The following DOCK3 variants were observed in gnomAD, a reference collection of about 807,000 sequenced individuals.
DOCK3 encodes dedicator of cytokinesis 3, also known as dedicator of cytokinesis protein 3.
In DOCK3, 60 loss-of-function variants were observed where a neutral mutation model predicts 265.6. The observed-to-expected ratio is 0.23, with a 90% confidence interval of 0.18 to 0.28. DOCK3 has a LOEUF of 0.28. Ranked by LOEUF, DOCK3 falls within the 10% of genes least tolerant of loss-of-function variation. The pLI is 1.00. For missense variants in DOCK3, 1,981 were observed against 2,594.3 expected, an observed-to-expected ratio of 0.76 and a Z score of 5.14; for synonymous variants, 881 against 938.0, an observed-to-expected ratio of 0.94 and a Z score of 1.11.
chr3:50,859,840 T>C (rs189395151), intron 3 of DOCK3, among the ~76,000 whole-genome samples: 84 of 152,316 alleles, frequency 5.5e-4, no homozygotes, highest in Middle Eastern at 3.4e-3. Context: ...TGTTTCCTCA[T>C]AGTTGCAGCA....
At chr3:50,860,783 T>G (rs2046871199) in intron 3 of DOCK3, among the ~76,000 whole-genome samples, 1 of 152,206 alleles carries the variant, frequency 6.6e-6, no homozygotes, top group African/African-American at 2.4e-5. Flanking sequence ...GTGCCACTAC[T>G]TGTAGCTGGC....
chr3:51,294,261 AAAG>A (rs1173741660), intron 27 of DOCK3, among the ~76,000 whole-genome samples: 1 of 152,232 alleles, frequency 6.6e-6, no homozygotes, highest in Non-Finnish European at 1.5e-5. Flanking sequence ...TTCAGCCTTA[AAAG>A]AAGTAGGAAA....
At chr3:50,682,353 G>A (rs1036332410) in intron 1 of DOCK3, among the ~76,000 whole-genome samples, 1 of 152,116 alleles carries the variant, frequency 6.6e-6, no homozygotes, top group Non-Finnish European at 1.5e-5. Context: ...ACACATATTT[G>A]CTGCATCATG....
chr3:50,781,939 T>C (rs1057472115), intron 2 of DOCK3, among the ~76,000 whole-genome samples: 10 of 152,228 alleles, frequency 6.6e-5, no homozygotes, highest in African/African-American at 2.4e-4. Context: ...TCCATCTATG[T>C]TCCTGCAAAG....
At chr3:50,918,332 C>T (rs1170816539) in intron 4 of DOCK3, among the ~76,000 whole-genome samples, 1 of 152,150 alleles carries the variant, frequency 6.6e-6, no homozygotes, top group Non-Finnish European at 1.5e-5. Context: ...GAGGAATCGC[C>T]ACACTGTCTT....
At chr3:50,928,149 ATATAT>A (rs1559826233) in intron 4 of DOCK3, among the ~76,000 whole-genome samples, 288 of 148,998 alleles carry the variant, frequency 1.9e-3, no homozygotes, top group African/African-American at 5.8e-3. Flanking sequence ...ATATATATAT[ATATAT>A]AATAAAGTTT....
chr3:50,901,439 C>A (rs1292624406), intron 4 of DOCK3, among the ~76,000 whole-genome samples: 10 of 150,500 alleles, frequency 6.6e-5, no homozygotes, highest in Non-Finnish European at 1.5e-4. Context: ...CTGAGCTAGA[C>A]CACTTGGCTC....
intron 6 of DOCK3, among the ~76,000 whole-genome samples, chr3:51,066,305 G>A (rs2109292622): frequency 6.6e-6 from 1 of 152,212 alleles, no homozygotes; most frequent in East Asian, 1.9e-4. Flanking sequence ...TATTTATAAT[G>A]AATGGAAAAA....
intron 9 of DOCK3, among the ~76,000 whole-genome samples, chr3:51,108,779 A>G (rs529600210): frequency 6.6e-6 from 1 of 152,178 alleles, no homozygotes; most frequent in Non-Finnish European, 1.5e-5. Context: ...CAAAGATCAA[A>G]AAGACAAAAG....
chr3:50,974,931 GCT>G (rs1366367319), intron 5 of DOCK3, among the ~76,000 whole-genome samples: 1 of 124,740 alleles, frequency 8.0e-6, no homozygotes, highest in African/African-American at 2.9e-5. Flanking sequence ...TCATGATTTG[GCT>G]CTCTGTTTGT....
At chr3:51,014,107 C>T (rs1435007078) in intron 5 of DOCK3, among the ~76,000 whole-genome samples, 1 of 152,154 alleles carries the variant, frequency 6.6e-6, no homozygotes, top group Non-Finnish European at 1.5e-5. Flanking sequence ...AATCCCCCGA[C>T]CCCTTGAGCT....
At chr3:51,158,269 G>A (rs1203780517) in intron 10 of DOCK3, among the ~76,000 whole-genome samples, 1 of 152,138 alleles carries the variant, frequency 6.6e-6, no homozygotes, top group African/African-American at 2.4e-5. Context: ...TATCAGATTG[G>A]GCATGGTAAC....
intron 6 of DOCK3, among the ~76,000 whole-genome samples, chr3:51,065,786 G>A (rs1314644153): frequency 6.6e-6 from 1 of 152,098 alleles, no homozygotes; most frequent in African/African-American, 2.4e-5. Context: ...ACCTACCCAT[G>A]TACAAAAAAA....
intron 10 of DOCK3, among the ~76,000 whole-genome samples, chr3:51,158,780 C>T (rs1446848110): frequency 2.0e-5 from 3 of 152,058 alleles, no homozygotes; most frequent in Non-Finnish European, 2.9e-5. Flanking sequence ...GGAACAACTT[C>T]GTGTGTAATA....
intron 4 of DOCK3, among the ~76,000 whole-genome samples, chr3:50,923,463 T>C (rs2050607835): frequency 1.3e-5 from 2 of 152,342 alleles, no homozygotes; most frequent in South Asian, 4.1e-4. Context: ...TAGTATAAAT[T>C]TACTAATTGA....
chr3:50,846,512 G>C (rs969309111), intron 3 of DOCK3, among the ~76,000 whole-genome samples: 1 of 152,092 alleles, frequency 6.6e-6, no homozygotes, highest in South Asian at 2.1e-4. Context: ...GGATGATATT[G>C]GTTTAGTAGA....
At chr3:51,276,291 CTCT>C (rs2080815045) in intron 25 of DOCK3, 1 of 889,404 alleles carries the variant, frequency 1.1e-6, no homozygotes, top group African/African-American at 1.8e-5. Flanking sequence ...GACTTGGCAG[CTCT>C]TCTTCCCACC....
chr3:50,691,649 C>T (rs1365739460), intron 1 of DOCK3, among the ~76,000 whole-genome samples: 1 of 152,200 alleles, frequency 6.6e-6, no homozygotes, highest in East Asian at 1.9e-4. Flanking sequence ...GTACTGTTTT[C>T]TGTAGTGGCT....
intron 3 of DOCK3, among the ~76,000 whole-genome samples, chr3:50,861,929 G>A (rs997773890): frequency 1.3e-5 from 2 of 148,358 alleles, no homozygotes; most frequent in South Asian, 4.6e-4. Flanking sequence ...TTATGTTCAA[G>A]GTTGATACTG....
Sources: gnomAD v4.1 joint callset for allele counts (sites outside exome capture counted in the v4.1 genomes callset) on GRCh38, gnomAD v4.1.1 for gene constraint, MANE v1.5 for transcripts, NCBI Gene and HGNC (gene_info 2026-07-23, HGNC 2026-07-21) for gene names.